PKIG: variants seen among roughly 807,000 people sequenced by gnomAD.
The protein encoded by PKIG is cAMP-dependent protein kinase inhibitor gamma.
Under a neutral mutation model 6.8 loss-of-function variants are expected in PKIG, and 1 was observed. The observed-to-expected ratio is 0.15, with a 90% CI of 0.05 to 0.69. The LOEUF is 0.69. Ranked by LOEUF, PKIG falls within the 30% of genes least tolerant of loss-of-function variation. PKIG has a pLI of 0.82. For missense variants in PKIG, 77 were observed against 104.0 expected (o/e 0.74, Z 1.13); for synonymous variants, 39 against 43.0 (o/e 0.91, Z 0.36).
chr20:44,609,871 T>C (rs1315284408), intron 2 of PKIG, among the ~76,000 whole-genome samples: 2 of 152,224 alleles, frequency 1.3e-5, no homozygotes, highest in African/African-American at 4.8e-5. Context: ...AGGGCAGCTG[T>C]GGCCACTGAG....
At chr20:44,551,296 T>C (rs1017581594) in intron 1 of PKIG, among the ~76,000 whole-genome samples, 8 of 152,180 alleles carry the variant, frequency 5.3e-5, no homozygotes, top group African/African-American at 1.7e-4. Flanking sequence ...CCTTGTGATC[T>C]GCCCACCTCG....
chr20:44,571,135 G>A (rs1341954151), intron 1 of PKIG, among the ~76,000 whole-genome samples: 3 of 152,116 alleles, frequency 2.0e-5, no homozygotes, highest in African/African-American at 7.2e-5. Context: ...TTGGGAGGCT[G>A]AGGCAGGAGA....
chr20:44,581,184 G>A (rs939713725), upstream of PKIG, among the ~76,000 whole-genome samples: 2 of 152,138 alleles, frequency 1.3e-5, no homozygotes, highest in African/African-American at 4.8e-5. Flanking sequence ...TAACTTCTCT[G>A]TATATGTCTT....
upstream of PKIG, among the ~76,000 whole-genome samples, chr20:44,581,083 G>A (rs1254727384): frequency 6.6e-6 from 1 of 152,194 alleles, no homozygotes; most frequent in South Asian, 2.1e-4. Flanking sequence ...TGGCATGTGT[G>A]TGGCATGTGT....
chr20:44,568,790 A>C (rs1306527971), intron 1 of PKIG, among the ~76,000 whole-genome samples: 1 of 152,014 alleles, frequency 6.6e-6, no homozygotes, highest in Non-Finnish European at 1.5e-5. Flanking sequence ...ATATTCTTCG[A>C]TAGTATCATT....
At chr20:44,595,758 A>T (rs86786) in intron 2 of PKIG, among the ~76,000 whole-genome samples, 9 of 151,894 alleles carry the variant, frequency 5.9e-5, no homozygotes, top group African/African-American at 9.7e-5. Context: ...GTGATCCGCC[A>T]GCCTTGGCCT....
At chr20:44,580,297 G>T (rs1475092525), upstream of PKIG, among the ~76,000 whole-genome samples, 1 of 152,068 alleles carries the variant, frequency 6.6e-6, no homozygotes, top group East Asian at 1.9e-4. Context: ...GTGAACGGCT[G>T]CTCTCTGTGG....
intron 2 of PKIG, among the ~76,000 whole-genome samples, chr20:44,600,484 T>A (rs1425325068): frequency 6.6e-6 from 1 of 151,938 alleles, no homozygotes; most frequent in Non-Finnish European, 1.5e-5. Context: ...GGTGAGACAT[T>A]CCGGAGCCTG....
In PKIG at chr20:44,590,776, C is replaced by T. The variant is rs1012331583; in HGVS notation, c.-24+910C>T. Among the ~76,000 whole-genome samples, 4 of 152,300 alleles carry T rather than the reference C, an allele frequency of 2.6e-5. No individual in the cohort carries two copies. In the East Asian group the frequency reaches 5.8e-4, roughly 22 times the overall value. ...AGAGCCTGGGGATGAGCGCATCGCT[C>T]TGAAGAGCTTGCCGAATCCACTGTG... On this transcript the variant is annotated intron_variant, in intron 2 of 3. Transcript: ENST00000372886.
intron 2 of PKIG, among the ~76,000 whole-genome samples, chr20:44,611,932 T>A (rs1374118131): frequency 6.6e-6 from 1 of 152,198 alleles, no homozygotes; most frequent in Admixed American, 6.5e-5. Flanking sequence ...TTTATCCGTT[T>A]TGTCCCAAAT....
intron 3 of PKIG, among the ~76,000 whole-genome samples, chr20:44,615,995 G>A (rs914713268): frequency 5.3e-5 from 8 of 152,094 alleles, no homozygotes; most frequent in African/African-American, 1.9e-4. Context: ...CCTCTGTCAC[G>A]TGGCCCAGGC....
intron 1 of PKIG, among the ~76,000 whole-genome samples, chr20:44,574,393 G>A (rs976172859): frequency 2.0e-5 from 3 of 151,878 alleles, no homozygotes; most frequent in African/African-American, 7.3e-5. Flanking sequence ...TACAAAACTA[G>A]AAAGAATAGT....
chr20:44,596,007 A>C (rs2065072361), intron 2 of PKIG, among the ~76,000 whole-genome samples: 1 of 152,022 alleles, frequency 6.6e-6, no homozygotes, highest in South Asian at 2.1e-4. Flanking sequence ...TACTCTTATC[A>C]TTGTTATTAT....
At chr20:44,591,713 A>G (rs767136762) in intron 2 of PKIG, among the ~76,000 whole-genome samples, 12 of 152,206 alleles carry the variant, frequency 7.9e-5, no homozygotes, top group Non-Finnish European at 1.3e-4. Context: ...TATTAAATGA[A>G]GATAATAAGT....
intron 1 of PKIG, among the ~76,000 whole-genome samples, chr20:44,555,947 TCTCCTGCCTCAGCCTCCCAAGTAG>T (rs1368341042): frequency 3.3e-5 from 5 of 152,222 alleles, no homozygotes; most frequent in African/African-American, 1.2e-4. Context: ...TTCAGGCGAT[TCTCCTGCCTCAGCCTCCCAAGTAG>T]CTGGGACTAC....
chr20:44,558,962 CAT>C (rs1419749229), intron 1 of PKIG, among the ~76,000 whole-genome samples: 2 of 152,092 alleles, frequency 1.3e-5, no homozygotes, highest in African/African-American at 4.8e-5. Context: ...CTTCTTTGCA[CAT>C]GTCATTCCTT....
At chr20:44,545,264 C>A (rs540385685) in intron 1 of PKIG, among the ~76,000 whole-genome samples, 43 of 152,114 alleles carry the variant, frequency 2.8e-4, no homozygotes, top group Non-Finnish European at 2.9e-4. Flanking sequence ...AATATTTGTT[C>A]ATAATGTGTT....
chr20:44,584,588 G>GT (rs1174783058), intron 1 of PKIG, among the ~76,000 whole-genome samples: 7 of 151,268 alleles, frequency 4.6e-5, no homozygotes, highest in African/African-American at 1.5e-4. Flanking sequence ...GTTTTGTTTT[G>GT]TTTTTGTTTG....
intron 2 of PKIG, among the ~76,000 whole-genome samples, chr20:44,591,455 G>C (rs2065032667): frequency 6.6e-6 from 1 of 152,100 alleles, no homozygotes; most frequent in Admixed American, 6.5e-5. Flanking sequence ...AGTTCTAAGG[G>C]ACTGAGAGAG....
Sources: allele counts gnomAD v4.1 joint callset (sites outside exome capture counted in the v4.1 genomes callset), GRCh38; gene constraint gnomAD v4.1.1; transcripts MANE v1.5; gene names NCBI Gene and HGNC (gene_info 2026-07-23, HGNC 2026-07-21).